Variants in PRKCB observed in about 807,000 individuals in gnomAD.
The protein encoded by PRKCB is protein kinase C beta.
Under a neutral mutation model 81.5 loss-of-function variants are expected in PRKCB, and 13 were observed. The observed-to-expected ratio is 0.16, with a 90% CI of 0.10 to 0.25. The LOEUF (loss-of-function observed/expected upper bound fraction) is 0.25, where lower values mean the gene tolerates loss of function less well. Among genes scored for constraint, PRKCB ranks in the 10% least tolerant of loss-of-function variants. The pLI is 1.00. For synonymous variants in PRKCB, 335 were observed against 321.4 expected (o/e 1.04, Z -0.45); for missense variants, 509 against 875.7 (o/e 0.58, Z 5.29).
At chr16:24,109,708 G>A (rs1225007635) in intron 7 of PRKCB, among the ~76,000 whole-genome samples, 3 of 135,208 alleles carry the variant, frequency 2.2e-5, no homozygotes, top group South Asian at 4.4e-4. Context: ...ACGGGGTGGC[G>A]GCCGGGCAGA....
At chr16:24,157,332 G>A (rs567868065) in intron 10 of PRKCB, among the ~76,000 whole-genome samples, 35 of 152,270 alleles carry the variant, frequency 2.3e-4, no homozygotes, top group East Asian at 9.7e-4. Context: ...CCCATATGTC[G>A]TGGGAGGGAC....
rs112822540 is a variant in PRKCB, at chr16:24,190,901, C to A, written c.1723-189C>A. 9.9e-5 allele frequency among the ~76,000 whole-genome samples: 15 copies of A among 152,174 alleles called. 1 individual carries two copies. Among genetic ancestry groups the A allele is most frequent in the African/African-American group, 3.1e-4 (13 of 41,500 alleles). On this transcript the variant is annotated intron_variant, in intron 15 of 16. Coordinates refer to ENST00000643927, the MANE Select transcript of PRKCB (RefSeq NM_002738.7). ...CATAACAGATGATTGGCAGTGGGTC[C>A]TATTATCAGGTCCTCTCCTGCAAAT...
intron 2 of PRKCB, among the ~76,000 whole-genome samples, chr16:23,962,566 C>T (rs1964440452): frequency 6.6e-6 from 1 of 152,192 alleles, no homozygotes; most frequent in African/African-American, 2.4e-5. Flanking sequence ...CTGAGTTCTA[C>T]TAGGCCTTCA....
chr16:24,200,851 T>C (rs1406224572), intron 16 of PRKCB, among the ~76,000 whole-genome samples: 1 of 152,172 alleles, frequency 6.6e-6, no homozygotes, highest in East Asian at 1.9e-4. Flanking sequence ...ACATGAACTT[T>C]GGCGGGGCAA....
chr16:23,933,788 A>G (rs1964014459), intron 2 of PRKCB, among the ~76,000 whole-genome samples: 1 of 143,622 alleles, frequency 7.0e-6, no homozygotes, highest in Non-Finnish European at 1.5e-5. Flanking sequence ...CCATCCATCC[A>G]TCCATCCATC....
At chr16:24,114,870 G>A (rs1053323078) in intron 8 of PRKCB, among the ~76,000 whole-genome samples, 1 of 151,940 alleles carries the variant, frequency 6.6e-6, no homozygotes, top group African/African-American at 2.4e-5. Context: ...AAAAAAACGT[G>A]TAAAGACCAT....
chr16:23,886,401 T>G (rs1347866671), intron 2 of PRKCB, among the ~76,000 whole-genome samples: 2 of 139,170 alleles, frequency 1.4e-5, no homozygotes, highest in Non-Finnish European at 3.0e-5. Flanking sequence ...TATGGTGTGT[T>G]AGGTGTTTTT....
intron 5 of PRKCB, among the ~76,000 whole-genome samples, chr16:24,061,690 G>C (rs1333675159): frequency 6.6e-6 from 1 of 152,072 alleles, no homozygotes; most frequent in African/African-American, 2.4e-5. Flanking sequence ...TATTGAGAGA[G>C]TAAAATGTAT....
Position 24,133,898 on chromosome 16 carries a change from AT to A in PRKCB, c.1065+9933del, listed in dbSNP as rs113809790. Among the ~76,000 whole-genome samples the A allele has an allele frequency of 8.7e-3, 1,223 of 141,258 alleles. 4 individuals carry two copies. Among genetic ancestry groups the A allele is most frequent in the African/African-American group, 0.025 (962 of 37,744 alleles). The allele number at this position is 141,258 out of a possible 152,430, so 92.7% of individuals were successfully genotyped here. On this transcript the variant is annotated intron_variant, in intron 9 of 16. Transcript: ENST00000643927. ...ACATCTTCCCAAACCCCTAGTTTAA[AT>A]TTTTTTTTTTTTTTTGACAAGAGTC...
rs137891983 is a variant in PRKCB at position 24,211,946 on chromosome 16, C to T, written c.1864-2712C>T. 6.3e-3 allele frequency among the ~76,000 whole-genome samples: 959 copies of T among 152,326 alleles called. 4 individuals are homozygous for T. Among genetic ancestry groups the T allele is most frequent in the Middle Eastern group, 0.01 (3 of 294 alleles). The stretch of plus-strand genomic sequence containing the variant: ...TCCCTTGCATGCACAGCAAATACTT[C>T]TGCTTCCCTCAACAAAAAGGCTTTG... On this transcript the variant is annotated intron_variant, in intron 16 of 16. Coordinates refer to ENST00000643927, the MANE Select transcript of PRKCB (RefSeq NM_002738.7).
At chr16:23,987,499 C>T (rs1964817798) in intron 2 of PRKCB, among the ~76,000 whole-genome samples, 1 of 152,024 alleles carries the variant, frequency 6.6e-6, no homozygotes. Context: ...CATCAAGAGA[C>T]TTGAACCAAT....
intron 2 of PRKCB, among the ~76,000 whole-genome samples, chr16:23,877,326 G>T (rs1163965511): frequency 6.6e-6 from 1 of 152,188 alleles, no homozygotes; most frequent in Non-Finnish European, 1.5e-5. Flanking sequence ...AGCAGAGGGA[G>T]ACCCTGTCTC....
At chr16:24,163,289 G>A (rs1041940719) in intron 10 of PRKCB, among the ~76,000 whole-genome samples, 1 of 152,196 alleles carries the variant, frequency 6.6e-6, no homozygotes, top group Non-Finnish European at 1.5e-5. Context: ...ATAGTTATAG[G>A]CTAGTGGTAC....
At position 23,859,404 on chromosome 16, in the gene PRKCB, G is replaced by A. The variant is rs534015546; in HGVS notation, c.205+21998G>A. Among the ~76,000 whole-genome samples, 12 of 152,334 alleles carry A rather than the reference G, an allele frequency of 7.9e-5. No homozygotes were observed. The East Asian group carries it at 2.1e-3, about 27-fold the overall frequency. On this transcript the variant is annotated intron_variant, in intron 2 of 16. Coordinates refer to ENST00000643927, the MANE Select transcript of PRKCB (RefSeq NM_002738.7). ...AGTGTAAAAGGAGTGATAGCACAGC[G>A]TGGTCTGGCTGGCATAGTCAGCCGC... is the stretch of plus-strand genomic sequence containing the variant.
At chr16:24,213,444 G>A (rs905956973) in intron 16 of PRKCB, among the ~76,000 whole-genome samples, 6 of 152,152 alleles carry the variant, frequency 3.9e-5, no homozygotes, top group African/African-American at 1.4e-4. Context: ...CATAGTCTCC[G>A]TGGTCTCAGT....
chr16:24,216,154 C>CG lies in PRKCB; in HGVS notation c.*1343dup, dbSNP rs1332901891. 1 of 985,258 alleles carries CG rather than the reference C, an allele frequency of 1.0e-6. No homozygotes were observed. The allele number at this position is 985,258 out of a possible 1,614,324, so 61.0% of individuals were successfully genotyped here. On this transcript the variant is annotated 3_prime_UTR_variant, in exon 17 of 17. Coordinates refer to ENST00000643927, the MANE Select transcript of PRKCB (RefSeq NM_002738.7). ...CCCAGTGTTCAGCCACTCGGAGGGG[C>CG]GGGGGCTGTGGCCCATTCAGGGGCT... is the stretch of plus-strand genomic sequence containing the variant.
chr16:24,132,484 A>G (rs1376857813), intron 9 of PRKCB, among the ~76,000 whole-genome samples: 1 of 152,214 alleles, frequency 6.6e-6, no homozygotes, highest in Non-Finnish European at 1.5e-5. Flanking sequence ...ACAAACAAAT[A>G]TATCTGCCTG....
At chr16:24,188,580 G>C (rs181765280) in intron 15 of PRKCB, among the ~76,000 whole-genome samples, 1 of 151,662 alleles carries the variant, frequency 6.6e-6, no homozygotes, top group African/African-American at 2.4e-5. Context: ...TTAAAGGCCC[G>C]ATTTTCTACT....
chr16:23,899,597 A>G lies in PRKCB; in HGVS notation c.205+62191A>G, dbSNP rs1197621844. Among the ~76,000 whole-genome samples the G allele has an allele frequency of 2.4e-4, 5 of 21,232 alleles. 2 individuals carry two copies. Among genetic ancestry groups the G allele is most frequent in the East Asian group, 1.3e-3 (1 of 776 alleles). The allele number at this position is 21,232 out of a possible 152,430, so 13.9% of individuals were successfully genotyped here. On this transcript the variant is annotated intron_variant, in intron 2 of 16. Coordinates refer to ENST00000643927, the MANE Select transcript of PRKCB (RefSeq NM_002738.7). The stretch of plus-strand genomic sequence containing the variant: ...TTTGTTCATTTGTAATTACTTATCC[A>G]TAAGAACTCTCTCTCTCTCTCTCTC...
Sources: allele counts gnomAD v4.1 joint callset (sites outside exome capture counted in the v4.1 genomes callset), GRCh38; gene constraint gnomAD v4.1.1; transcripts MANE v1.5; gene names NCBI Gene and HGNC (gene_info 2026-07-23, HGNC 2026-07-21).